Variants in SH3GL1 observed in about 807,000 individuals in gnomAD.
SH3GL1 encodes endophilin-A2.
SH3GL1 carries 21 observed loss-of-function variants against 48.8 expected under a neutral mutation model. That is an observed-to-expected ratio of 0.43 (90% CI 0.30 to 0.62). The LOEUF (loss-of-function observed/expected upper bound fraction) is 0.62, where lower values mean the gene tolerates loss of function less well. Ranked by LOEUF, SH3GL1 falls within the 20% of genes least tolerant of loss-of-function variation. SH3GL1 has a pLI of 0.11. For missense variants in SH3GL1, 454 were observed against 503.0 expected, an observed-to-expected ratio of 0.90 and a Z score of 0.93; for synonymous variants, 282 against 217.5, an observed-to-expected ratio of 1.30 and a Z score of -2.61.
intron 1 of SH3GL1, among the ~76,000 whole-genome samples, chr19:4,373,745 G>A (rs57914522): frequency 1.3e-5 from 2 of 152,134 alleles, no homozygotes; most frequent in East Asian, 1.9e-4. Context: ...CTCTGCCTCA[G>A]ACCAGGCCAC....
intron 4 of SH3GL1, 47 bp from the exon 5 acceptor site, chr19:4,364,268 C>A: frequency 6.2e-7 from 1 of 1,611,862 alleles, no homozygotes; most frequent in Non-Finnish European, 8.5e-7. Flanking sequence ...CCTGGGACCA[C>A]TAGACTGAGA....
chr19:4,393,788 T>C (rs937654771), intron 1 of SH3GL1, among the ~76,000 whole-genome samples: 1 of 151,762 alleles, frequency 6.6e-6, no homozygotes, highest in Non-Finnish European at 1.5e-5. Context: ...AGACTCTGTC[T>C]CAAACAAACA....
At chr19:4,362,041 G>A (rs1316281184) in intron 9 of SH3GL1, among the ~76,000 whole-genome samples, 4 of 152,212 alleles carry the variant, frequency 2.6e-5, no homozygotes, top group South Asian at 2.1e-4. Flanking sequence ...GGGGACACCC[G>A]GTGCTGCTGC....
At chr19:4,391,836 C>T (rs1973342459) in intron 1 of SH3GL1, among the ~76,000 whole-genome samples, 1 of 152,226 alleles carries the variant, frequency 6.6e-6, no homozygotes, top group East Asian at 1.9e-4. Flanking sequence ...ACAGAGTGAG[C>T]CCTGCCTGTC....
At chr19:4,399,474 A>G (rs1445823395) in intron 1 of SH3GL1, among the ~76,000 whole-genome samples, 1 of 151,888 alleles carries the variant, frequency 6.6e-6, no homozygotes, top group Non-Finnish European at 1.5e-5. Context: ...GAAGGAAGGA[A>G]GGAACGAAGG....
In SH3GL1 at chr19:4,367,081, T is replaced by C. The variant is rs1282013072; in HGVS notation, c.46-87A>G. 3 of 1,210,756 alleles carry C rather than the reference T, an allele frequency of 2.5e-6. No homozygotes were observed. Among genetic ancestry groups the C allele is most frequent in the Non-Finnish European group, 3.7e-6 (3 of 814,614 alleles). The allele number at this position is 1,210,756 out of a possible 1,614,324, so 75.0% of individuals were successfully genotyped here. A position where few individuals can be genotyped will look rare whatever the true frequency, so the allele number is the denominator to read the frequency against. ...GGCCCTGAGCCGCCTTCCAGCCACA[T>C]CGCATCCACAGCTGGAGGCAGGAGG... On this transcript the variant is annotated intron_variant, in intron 1 of 9. Coordinates refer to ENST00000269886, the MANE Select transcript of SH3GL1 (RefSeq NM_003025.4). The surrounding 1 kb of genome is among the most constrained non-coding windows in gnomAD (Gnocchi z 4.2).
At chr19:4,383,373 CAG>C (rs892488988) in intron 1 of SH3GL1, among the ~76,000 whole-genome samples, 7 of 151,930 alleles carry the variant, frequency 4.6e-5, no homozygotes, top group African/African-American at 1.2e-4. Flanking sequence ...CATCACCACA[CAG>C]AGTTATTTTT....
intron 1 of SH3GL1, among the ~76,000 whole-genome samples, chr19:4,392,551 CACACACACACACACACACAA>C: frequency 7.0e-6 from 1 of 142,476 alleles, no homozygotes; most frequent in South Asian, 2.1e-4. Context: ...CACACACACA[CACACACACACACACACACAA>C]AAGATCATTC....
chr19:4,362,515 C>A lies in SH3GL1; in HGVS notation c.853+97G>T, dbSNP rs1972648939. 6.9e-6 allele frequency: 11 copies of A among 1,587,524 alleles called. No homozygotes were observed. The South Asian group carries it at 1.2e-4, about 18-fold the overall frequency. ...ATGGAGCACGGCTGAGAGCTGCACCCAGGAGTCTGGCGCTCAGAGACCCAG... is the reference window on the plus strand; with the variant it reads ...ATGGAGCACGGCTGAGAGCTGCACCAAGGAGTCTGGCGCTCAGAGACCCAG... On this transcript the variant is annotated intron_variant, in intron 8 of 9. Transcript: ENST00000269886.
At chr19:4,361,893 G>GCCCACCCA in intron 9 of SH3GL1, 97 bp from the exon 10 acceptor site, 1 of 888,018 alleles carries the variant, frequency 1.1e-6, no homozygotes, top group Non-Finnish European at 1.8e-6. Flanking sequence ...GTGTGGGTGG[G>GCCCACCCA]CATGGGCCTC....
At chr19:4,366,719 C>G (rs1020383029) in intron 2 of SH3GL1, 146 bp from the exon 3 acceptor site, 11 of 949,180 alleles carry the variant, frequency 1.2e-5, no homozygotes, top group African/African-American at 1.1e-4. Context: ...AGCCATGTCC[C>G]CACAGCTGCC....
Position 4,366,935 on chromosome 19 carries a change from C to A in SH3GL1, c.105G>T (p.Glu35Asp), listed in dbSNP as rs1972794535. ...EGTKLDDDFK[E>D]MEKKVDVTSK... Reference sequence around the variant, plus strand: ...GCAGTTTCTTCCTCACCTTCTCCATCTCTTTGAAGTCATCATCCAGCTTGG... The same window carrying A: ...GCAGTTTCTTCCTCACCTTCTCCATATCTTTGAAGTCATCATCCAGCTTGG... The change falls in exon 2 of 10, where the codon GAG becomes GAT. Residue 35 changes from glutamate to aspartate, a missense_variant. By Grantham distance (45) the Glu-to-Asp change is conservative (BLOSUM62 2). Coordinates refer to ENST00000269886, the MANE Select transcript of SH3GL1 (RefSeq NM_003025.4). 1 of 1,613,810 alleles carries A rather than the reference C, an allele frequency of 6.2e-7. No homozygotes were observed. The highest frequency in any genetic ancestry group is 8.5e-7 in the Non-Finnish European group (1 of 1,179,846).
intron 2 of SH3GL1, 112 bp from the exon 3 acceptor site, chr19:4,366,685 A>C (rs1599594860): frequency 1.9e-6 from 2 of 1,047,002 alleles, no homozygotes; most frequent in Non-Finnish European, 2.9e-6. Flanking sequence ...GGACCCCCCA[A>C]CCCCCTCTCC....
intron 1 of SH3GL1, among the ~76,000 whole-genome samples, chr19:4,375,541 C>A (rs550276975): frequency 1.3e-5 from 2 of 152,222 alleles, no homozygotes; most frequent in African/African-American, 4.8e-5. Context: ...GTGGGACACA[C>A]GCTCCCACCC....
chr19:4,391,430 G>A (rs547781599), intron 1 of SH3GL1, among the ~76,000 whole-genome samples: 36 of 152,284 alleles, frequency 2.4e-4, no homozygotes, highest in African/African-American at 6.5e-4. Flanking sequence ...CAGCACCCAC[G>A]GAGCCCCAAC....
rs370654262 is a variant in SH3GL1 at position 4,400,111 on chromosome 19, G to A, written c.45+213C>T. ...GGGTGCCTCTCCCCTCCTCCCAGGG[G>A]CTCTGTCCCCGCTTCTGGAGCCCGC... On this transcript the variant is annotated intron_variant, in intron 1 of 9. Transcript: ENST00000269886. This position sits in a 1 kb window ranked among gnomAD's most constrained non-coding sequence, Gnocchi z 4.1. Among the ~76,000 whole-genome samples, 1 of 152,124 alleles carries A rather than the reference G, an allele frequency of 6.6e-6. No homozygotes were observed. The highest frequency in any genetic ancestry group is 1.5e-5 in the Non-Finnish European group (1 of 67,998).
chr19:4,374,489 C>T (rs567945782), intron 1 of SH3GL1, among the ~76,000 whole-genome samples: 1 of 152,372 alleles, frequency 6.6e-6, no homozygotes, highest in African/African-American at 2.4e-5. Context: ...AGGCCTCCAG[C>T]TCTGGCTGCT....
intron 9 of SH3GL1, 68 bp downstream of exon 9, chr19:4,362,261 G>A (rs1972638371): frequency 6.7e-7 from 1 of 1,484,338 alleles, no homozygotes. Flanking sequence ...CAGGGCGGGA[G>A]GAGAAACACC....
Position 4,360,764 on chromosome 19 carries a change from C to T in SH3GL1, c.*836G>A, listed in dbSNP as rs959741659. On this transcript the variant is annotated 3_prime_UTR_variant, in exon 10 of 10. Coordinates refer to ENST00000269886, the MANE Select transcript of SH3GL1 (RefSeq NM_003025.4). ...CACTGGAACCTTTGTGCTTGGCCCT[C>T]GGCAGCGCGGCTGTGGTCCCGTGTG... 3.0e-4 allele frequency: 69 copies of T among 233,340 alleles called. No homozygotes were observed. The highest frequency in any genetic ancestry group is 1.5e-3 in the Admixed American group (26 of 17,776). The allele number at this position is 233,340 out of a possible 1,614,324, so 14.5% of individuals were successfully genotyped here.
Sources: allele counts gnomAD v4.1 joint callset (sites outside exome capture counted in the v4.1 genomes callset), GRCh38; gene constraint gnomAD v4.1.1; non-coding constraint Gnocchi (gnomAD v3.1); transcripts MANE v1.5; gene names NCBI Gene and HGNC (gene_info 2026-07-23, HGNC 2026-07-21).